Variants in TAFA5 observed in about 807,000 individuals in gnomAD.
The protein encoded by TAFA5 is TAFA chemokine like family member 5, also known as chemokine-like protein TAFA-5.
A neutral mutation model predicts 15.3 loss-of-function variants in TAFA5; 6 were observed. That is an observed-to-expected ratio of 0.39 (90% confidence interval 0.21 to 0.77). The LOEUF (loss-of-function observed/expected upper bound fraction) is 0.77. Among genes scored for constraint, TAFA5 ranks in the 30% least tolerant of loss-of-function variants. The pLI is 0.41. For synonymous variants in TAFA5, 103 were observed against 80.7 expected (o/e 1.28, Z -1.48); for missense variants, 161 against 193.1 (o/e 0.83, Z 0.98).
At chr22:48,724,163 A>T (rs1569094958) in intron 3 of TAFA5, among the ~76,000 whole-genome samples, 2 of 56,132 alleles carry the variant, frequency 3.6e-5, no homozygotes, top group African/African-American at 1.0e-4. Flanking sequence ...GCATTGCTGC[A>T]AGCAGGAGAG....
At chr22:48,656,466 A>T (rs1335030449) in intron 2 of TAFA5, among the ~76,000 whole-genome samples, 2 of 151,736 alleles carry the variant, frequency 1.3e-5, no homozygotes, top group African/African-American at 4.8e-5. Context: ...AGATCGCGTC[A>T]CTGAACTCCA....
chr22:48,695,936 G>T (rs1276076114), intron 2 of TAFA5, among the ~76,000 whole-genome samples: 1 of 152,186 alleles, frequency 6.6e-6, no homozygotes, highest in Non-Finnish European at 1.5e-5. Flanking sequence ...CCATCCTGCT[G>T]ACCACCACAC....
intron 3 of TAFA5, among the ~76,000 whole-genome samples, chr22:48,725,133 G>A (rs1360532896): frequency 1.3e-5 from 2 of 152,284 alleles, no homozygotes; most frequent in Non-Finnish European, 2.9e-5. Flanking sequence ...CGGGCATCCT[G>A]TGAAGATGAA....
At chr22:48,564,106 TC>T (rs1373969467) in intron 1 of TAFA5, among the ~76,000 whole-genome samples, 2 of 152,102 alleles carry the variant, frequency 1.3e-5, no homozygotes, top group East Asian at 3.9e-4. Context: ...GGGAGTGCGG[TC>T]CACAAAGGCG....
chr22:48,654,730 G>C (rs369681048), intron 2 of TAFA5, among the ~76,000 whole-genome samples: 1 of 152,348 alleles, frequency 6.6e-6, no homozygotes. Context: ...TAACTGTCTG[G>C]CGTGGAGGAA....
chr22:48,723,489 G>T (rs1929629396), intron 3 of TAFA5, among the ~76,000 whole-genome samples: 1 of 152,100 alleles, frequency 6.6e-6, no homozygotes, highest in African/African-American at 2.4e-5. Context: ...TCCTGAACTG[G>T]AATATAAATC....
chr22:48,575,923 G>C (rs995961299), intron 1 of TAFA5, among the ~76,000 whole-genome samples: 1 of 142,516 alleles, frequency 7.0e-6, no homozygotes, highest in Non-Finnish European at 1.6e-5. Context: ...GGGCCGGAGC[G>C]AGCGCGGGCG....
chr22:48,582,413 C>G (rs1395314159), intron 1 of TAFA5, among the ~76,000 whole-genome samples: 2 of 150,898 alleles, frequency 1.3e-5, no homozygotes, highest in Non-Finnish European at 3.0e-5. Flanking sequence ...ACACCACACA[C>G]AAAATACACC....
chr22:48,511,348 C>T lies in TAFA5; in HGVS notation c.112+21644C>T, dbSNP rs117414965. 3.0e-4 allele frequency among the ~76,000 whole-genome samples: 45 copies of T among 152,280 alleles called. No homozygotes were observed. The East Asian group carries it at 5.4e-3, about 18-fold the overall frequency. On this transcript the variant is annotated intron_variant, in intron 1 of 3. Transcript: ENST00000402357. The stretch of plus-strand genomic sequence containing the variant: ...TTGGCAAACTGGGTCAGGTGGCTGA[C>T]GCTTCCCAGAGCTTCCTCCTCCTCC...
chr22:48,736,146 C>T lies in TAFA5; in HGVS notation c.391-13693C>T, dbSNP rs190164869. On this transcript the variant is annotated intron_variant, in intron 3 of 3. Transcript: ENST00000402357. ...CCATCCCCCCAGGAGGAATGAGAAT[C>T]GCACTCCTAGAGTCCAGAGTCCATA... Among the ~76,000 whole-genome samples, 214 of 35,896 alleles carry T rather than the reference C, an allele frequency of 6.0e-3. 9 individuals carry two copies. Among genetic ancestry groups the T allele is most frequent in the Middle Eastern group, 0.021 (1 of 48 alleles). The allele number at this position is 35,896 out of a possible 152,430, so 23.5% of individuals were successfully genotyped here. A position where few individuals can be genotyped will look rare whatever the true frequency, so the allele number is the denominator to read the frequency against.
chr22:48,576,652 G>C lies in TAFA5; in HGVS notation c.113-69945G>C, dbSNP rs1923818998. 3 of 1,242,914 alleles carry C rather than the reference G, an allele frequency of 2.4e-6. No individual in the cohort carries two copies. The South Asian group carries it at 9.6e-5, about 40-fold the overall frequency. 77.0% of individuals were successfully genotyped at this position (1,242,914 alleles called of 1,614,324 possible). On this transcript the variant is annotated intron_variant, in intron 1 of 3. Transcript: ENST00000402357. ...GCTCCGGCGCCCGACCCGGCTTCCA[G>C]CACGTTCCGCTGCCGCCGCGCTCGG...
In TAFA5 at chr22:48,750,266, C is replaced by T. The variant is rs940516275; in HGVS notation, c.*419C>T. ...GTCAGGCACAGAAGCGGCCTCCTCC[C>T]GTGCCCCAGACTGTCCGAATTGCTT... On this transcript the variant is annotated 3_prime_UTR_variant, in exon 4 of 4. Transcript: ENST00000402357. 2.8e-5 allele frequency: 7 copies of T among 251,556 alleles called. No homozygotes were observed. Among genetic ancestry groups the T allele is most frequent in the East Asian group, 9.5e-5 (1 of 10,536 alleles). 15.6% of individuals were successfully genotyped at this position (251,556 alleles called of 1,614,324 possible).
At chr22:48,590,429 TTCCA>T (rs1924524674) in intron 1 of TAFA5, among the ~76,000 whole-genome samples, 1 of 152,214 alleles carries the variant, frequency 6.6e-6, no homozygotes, top group African/African-American at 2.4e-5. Context: ...GGCGCTGGCT[TTCCA>T]TTCACGGGCT....
chr22:48,590,217 G>T (rs1010150325), intron 1 of TAFA5, among the ~76,000 whole-genome samples: 1 of 152,228 alleles, frequency 6.6e-6, no homozygotes, highest in Non-Finnish European at 1.5e-5. Context: ...TAAAGAAGAA[G>T]CTGGTTTTCC....
intron 3 of TAFA5, among the ~76,000 whole-genome samples, chr22:48,721,942 A>C (rs1161592526): frequency 6.6e-6 from 1 of 151,812 alleles, no homozygotes; most frequent in East Asian, 1.9e-4. Flanking sequence ...ACACCACTGC[A>C]CTCCAGCCCA....
intron 1 of TAFA5, among the ~76,000 whole-genome samples, chr22:48,641,687 C>T (rs937019464): frequency 4.0e-5 from 6 of 151,574 alleles, no homozygotes; most frequent in Non-Finnish European, 8.8e-5. Context: ...CGCGTGTGCA[C>T]ACGGCCTCGC....
At chr22:48,541,049 CAG>C (rs1922352672) in intron 1 of TAFA5, among the ~76,000 whole-genome samples, 1 of 151,978 alleles carries the variant, frequency 6.6e-6, no homozygotes, top group African/African-American at 2.4e-5. Context: ...TGTTCAGGGA[CAG>C]GGGGTGGGGG....
chr22:48,493,337 C>T (rs1346157037), intron 1 of TAFA5, among the ~76,000 whole-genome samples: 1 of 152,218 alleles, frequency 6.6e-6, no homozygotes, highest in Non-Finnish European at 1.5e-5. Flanking sequence ...CTGTACCTTC[C>T]AGTTAAATCT....
At chr22:48,562,441 C>T (rs962604304) in intron 1 of TAFA5, among the ~76,000 whole-genome samples, 6 of 152,278 alleles carry the variant, frequency 3.9e-5, no homozygotes, top group South Asian at 4.1e-4. Context: ...CCCGGCCCCG[C>T]GGAGCCTTTC....
Sources: gnomAD v4.1 joint callset for allele counts (sites outside exome capture counted in the v4.1 genomes callset) on GRCh38, gnomAD v4.1.1 for gene constraint, MANE v1.5 for transcripts, NCBI Gene and HGNC (gene_info 2026-07-23, HGNC 2026-07-21) for gene names.